Variants in FAM81A observed in about 807,000 individuals in gnomAD.
FAM81A encodes the protein protein FAM81A.
FAM81A carries 19 observed loss-of-function variants against 46.7 expected under a neutral mutation model. The observed-to-expected ratio is 0.41, with a 90% CI of 0.28 to 0.60. FAM81A has a LOEUF of 0.60. FAM81A is among the 20% of genes least tolerant of loss of function. The probability of loss-of-function intolerance (pLI) is 0.34; values close to 1 mark genes in which losing one functional copy is unlikely to be tolerated. For missense variants in FAM81A, 377 were observed against 453.5 expected, an observed-to-expected ratio of 0.83 and a Z score of 1.53; for synonymous variants, 183 against 152.9, an observed-to-expected ratio of 1.20 and a Z score of -1.45.
At chr15:59,415,937 G>C (rs1331741153) in intron 2 of FAM81A, among the ~76,000 whole-genome samples, 2 of 152,180 alleles carry the variant, frequency 1.3e-5, no homozygotes, top group African/African-American at 4.8e-5. Context: ...ATCTCTGGGA[G>C]GGTCACAGAC....
intron 1 of FAM81A, among the ~76,000 whole-genome samples, chr15:59,440,709 G>A (rs531103240): frequency 1.3e-5 from 2 of 152,098 alleles, no homozygotes; most frequent in African/African-American, 2.4e-5. Context: ...TTTAACCATC[G>A]CTGAGGACCC....
intron 2 of FAM81A, among the ~76,000 whole-genome samples, chr15:59,429,868 C>T (rs1018765519): frequency 3.3e-5 from 5 of 152,080 alleles, no homozygotes; most frequent in African/African-American, 9.7e-5. Flanking sequence ...AGGCAGAAGT[C>T]CTAGTTAGGA....
chr15:59,440,037 C>G (rs2081280849), intron 1 of FAM81A: 1 of 152,274 alleles, frequency 6.6e-6, no homozygotes, highest in East Asian at 1.9e-4. Flanking sequence ...CCTCCACCGT[C>G]TCACCAGAGT....
At chr15:59,510,317 C>T (rs1319665283) in intron 6 of FAM81A, among the ~76,000 whole-genome samples, 3 of 147,730 alleles carry the variant, frequency 2.0e-5, no homozygotes, top group South Asian at 2.1e-4. Context: ...AGCAGTGAGC[C>T]GAGATCACAC....
At chr15:59,402,690 C>T (rs1434272630) in intron 2 of FAM81A, among the ~76,000 whole-genome samples, 1 of 144,422 alleles carries the variant, frequency 6.9e-6, no homozygotes, top group Non-Finnish European at 1.5e-5. Flanking sequence ...ACAAGCATGT[C>T]CCAACAAGCC....
At chr15:59,492,245 C>T (rs368755462) in intron 3 of FAM81A, 26 bp from the exon 4 acceptor site, 5 of 1,541,640 alleles carry the variant, frequency 3.2e-6, no homozygotes, top group East Asian at 2.3e-5. Flanking sequence ...TTAGATGACT[C>T]CCTTAGTGTT....
intron 2 of FAM81A, among the ~76,000 whole-genome samples, chr15:59,419,459 A>T (rs1427412251): frequency 2.0e-5 from 3 of 152,176 alleles, no homozygotes; most frequent in African/African-American, 7.2e-5. Flanking sequence ...TCCTCTTTTC[A>T]TAGGAAAGAA....
At chr15:59,428,471 T>C (rs1476791502) in intron 2 of FAM81A, among the ~76,000 whole-genome samples, 1 of 149,770 alleles carries the variant, frequency 6.7e-6, no homozygotes, top group African/African-American at 2.5e-5. Flanking sequence ...GACAGAGTCT[T>C]ACTATGTTGC....
intron 1 of FAM81A, among the ~76,000 whole-genome samples, chr15:59,456,502 A>G (rs2081486233): frequency 6.6e-6 from 1 of 152,188 alleles, no homozygotes; most frequent in African/African-American, 2.4e-5. Flanking sequence ...GCTGCTACCC[A>G]GGAAAAATCG....
chr15:59,490,145 T>A (rs1417597757), intron 3 of FAM81A, among the ~76,000 whole-genome samples: 1 of 150,648 alleles, frequency 6.6e-6, no homozygotes, highest in African/African-American at 2.4e-5. Context: ...ATCTAAGACC[T>A]CAAACTATGA....
chr15:59,407,757 C>G (rs1375567888), intron 2 of FAM81A: 1 of 223,194 alleles, frequency 4.5e-6, no homozygotes, highest in Non-Finnish European at 8.7e-6. Context: ...CAGGTGGTCT[C>G]TTAGTGGGGA....
chr15:59,442,327 A>G (rs1421041692), intron 1 of FAM81A, among the ~76,000 whole-genome samples: 1 of 152,148 alleles, frequency 6.6e-6, no homozygotes, highest in African/African-American at 2.4e-5. Context: ...AAGTTGCAAT[A>G]ACTGGCCAGG....
In FAM81A at chr15:59,502,485, C is replaced by G. The variant is rs925207692; in HGVS notation, c.414-4728C>G. On this transcript the variant is annotated intron_variant, in intron 4 of 8. Transcript: ENST00000288228. ...CATAAAAAAACCAGAGTTGACTTCA[C>G]TGTGTGTGTGTGTGTGTGTGTGTGT... is the stretch of plus-strand genomic sequence containing the variant. Among the ~76,000 whole-genome samples the G allele has an allele frequency of 6.5e-5, 9 of 138,206 alleles. No homozygotes were observed. The South Asian group carries it at 7.5e-4, about 12-fold the overall frequency. The allele number at this position is 138,206 out of a possible 152,430, so 90.7% of individuals were successfully genotyped here.
At chr15:59,502,557 A>G (rs1468355714) in intron 4 of FAM81A, among the ~76,000 whole-genome samples, 1 of 147,236 alleles carries the variant, frequency 6.8e-6, no homozygotes, top group African/African-American at 2.5e-5. Context: ...TCTGTTGCCT[A>G]TGCTGGAGTG....
At chr15:59,440,409 G>A (rs1015430316) in intron 1 of FAM81A, among the ~76,000 whole-genome samples, 5 of 152,102 alleles carry the variant, frequency 3.3e-5, no homozygotes, top group African/African-American at 1.2e-4. Flanking sequence ...GTACAGTGGG[G>A]ATCTCTTCAC....
intron 1 of FAM81A, chr15:59,438,995 A>G (rs2081267535): frequency 6.6e-6 from 1 of 152,176 alleles, no homozygotes; most frequent in Non-Finnish European, 1.5e-5. Flanking sequence ...CCTGTAGTTA[A>G]TCTAATAGGA....
chr15:59,413,608 C>A (rs1426266803), intron 2 of FAM81A, among the ~76,000 whole-genome samples: 1 of 152,062 alleles, frequency 6.6e-6, no homozygotes, highest in Non-Finnish European at 1.5e-5. Context: ...ATCTGCTGTT[C>A]CTTATTGTAG....
At chr15:59,432,749 G>A (rs1484095435) in intron 2 of FAM81A, among the ~76,000 whole-genome samples, 1 of 152,192 alleles carries the variant, frequency 6.6e-6, no homozygotes, top group Non-Finnish European at 1.5e-5. Flanking sequence ...TTGCAACAGG[G>A]CCAGGGCTGA....
At chr15:59,479,694 G>A (rs1252646725) in intron 3 of FAM81A, among the ~76,000 whole-genome samples, 2 of 151,946 alleles carry the variant, frequency 1.3e-5, no homozygotes, top group East Asian at 3.9e-4. Flanking sequence ...AGTAGGAAGA[G>A]GCGTGGCACG....
Sources: gnomAD v4.1 joint callset for allele counts (sites outside exome capture counted in the v4.1 genomes callset) on GRCh38, gnomAD v4.1.1 for gene constraint, MANE v1.5 for transcripts, NCBI Gene and HGNC (gene_info 2026-07-23, HGNC 2026-07-21) for gene names.